Variants in ARHGEF3 observed in about 807,000 individuals in gnomAD.
The protein encoded by ARHGEF3 is Rho guanine nucleotide exchange factor 3.
In ARHGEF3, 28 loss-of-function variants were observed where a neutral mutation model predicts 63.2. The ratio of observed to expected loss-of-function variants is 0.44; its 90% CI spans 0.33 to 0.61. The LOEUF (loss-of-function observed/expected upper bound fraction) is 0.61, where lower values mean the gene tolerates loss of function less well. ARHGEF3 is among the 20% of genes least tolerant of loss of function. ARHGEF3 has a pLI of 0.03. For missense variants in ARHGEF3, 533 were observed against 659.3 expected, an observed-to-expected ratio of 0.81 and a Z score of 2.10; for synonymous variants, 266 against 254.2, an observed-to-expected ratio of 1.05 and a Z score of -0.44.
At chr3:57,078,463 A>C (rs1016552539) in intron 1 of ARHGEF3, 3 of 152,248 alleles carry the variant, frequency 2.0e-5, no homozygotes, top group Non-Finnish European at 4.4e-5. Context: ...CTGATAGTGC[A>C]AGAGCAGCTC....
At chr3:56,950,403 G>A (rs1166392507) in intron 3 of ARHGEF3, among the ~76,000 whole-genome samples, 2 of 151,748 alleles carry the variant, frequency 1.3e-5, no homozygotes, top group Non-Finnish European at 2.9e-5. Context: ...CTAATATCCA[G>A]AATCTACAAT....
rs548339173 is a variant in ARHGEF3 at position 56,952,643 on chromosome 3, G to A, written c.129+6180C>T. ...GATTTTTCTGAGAAGTAATATATGC[G>A]TAAAATGCTCAACACAGTGCCAGGT... On this transcript the variant is annotated intron_variant, in intron 3 of 12. Coordinates refer to the ARHGEF3 transcript ENST00000338458. 3.9e-5 allele frequency among the ~76,000 whole-genome samples: 6 copies of A among 152,288 alleles called. No individual in the cohort carries two copies. The South Asian group carries it at 6.2e-4, about 16-fold the overall frequency.
chr3:56,841,158 C>T (rs1039910543), intron 4 of ARHGEF3, among the ~76,000 whole-genome samples: 4 of 152,286 alleles, frequency 2.6e-5, no homozygotes, highest in South Asian at 4.1e-4. Context: ...ATTATTGAGA[C>T]CCCTAGATTT....
At chr3:56,748,926 C>G (rs768872844) in intron 6 of ARHGEF3, among the ~76,000 whole-genome samples, 1 of 151,374 alleles carries the variant, frequency 6.6e-6, no homozygotes, top group South Asian at 2.1e-4. Context: ...CCCCCCACCC[C>G]CCTTTTTTCC....
At chr3:57,014,345 C>T (rs1254340573) in intron 2 of ARHGEF3, among the ~76,000 whole-genome samples, 1 of 152,198 alleles carries the variant, frequency 6.6e-6, no homozygotes, top group Admixed American at 6.5e-5. Flanking sequence ...CACAATAGTG[C>T]ACAGCCTTAA....
upstream of ARHGEF3, chr3:56,801,969 GCGGGA>G (rs1473844905): frequency 6.6e-7 from 1 of 1,526,228 alleles, no homozygotes; most frequent in East Asian, 2.5e-5. Context: ...AGCCGAGTGG[GCGGGA>G]CCGTGCCAGC....
intron 1 of ARHGEF3, among the ~76,000 whole-genome samples, chr3:57,043,003 T>C (rs1287175008): frequency 6.9e-6 from 1 of 145,244 alleles, no homozygotes; most frequent in East Asian, 2.2e-4. Flanking sequence ...AGCCCATAAA[T>C]ATATTTTTTA....
intron 4 of ARHGEF3, among the ~76,000 whole-genome samples, chr3:56,872,523 T>TC (rs2040461230): frequency 6.6e-6 from 1 of 151,548 alleles, no homozygotes; most frequent in Admixed American, 6.6e-5. Context: ...TTTTTTTTTT[T>TC]TTTTTGAGAT....
At chr3:56,789,375 C>A (rs2036972213) in intron 1 of ARHGEF3, among the ~76,000 whole-genome samples, 1 of 152,206 alleles carries the variant, frequency 6.6e-6, no homozygotes, top group Non-Finnish European at 1.5e-5. Flanking sequence ...TTTTAGCTGG[C>A]ACTTTGGCAT....
At chr3:56,852,285 C>T (rs1476761090) in intron 4 of ARHGEF3, among the ~76,000 whole-genome samples, 1 of 152,134 alleles carries the variant, frequency 6.6e-6, no homozygotes, top group East Asian at 1.9e-4. Flanking sequence ...CCTGCATGTT[C>T]GAACGTATTT....
At chr3:56,735,262 C>A (rs1361082512) in intron 8 of ARHGEF3, among the ~76,000 whole-genome samples, 2 of 152,276 alleles carry the variant, frequency 1.3e-5, no homozygotes, top group African/African-American at 2.4e-5. Context: ...CCAGCCTGGG[C>A]AACAGAGTGA....
At chr3:56,799,924 A>C (rs2037558600) in intron 1 of ARHGEF3, among the ~76,000 whole-genome samples, 1 of 152,222 alleles carries the variant, frequency 6.6e-6, no homozygotes, top group Non-Finnish European at 1.5e-5. Flanking sequence ...TTCCAAAACT[A>C]TTCCAACCCC....
chr3:56,959,517 G>C (rs1222310689), intron 2 of ARHGEF3, among the ~76,000 whole-genome samples: 2 of 152,164 alleles, frequency 1.3e-5, no homozygotes, highest in Non-Finnish European at 2.9e-5. Flanking sequence ...AAATTTTGTA[G>C]CTGCCAATAT....
intron 1 of ARHGEF3, among the ~76,000 whole-genome samples, chr3:57,063,437 C>T (rs1560171860): frequency 2.0e-5 from 3 of 152,098 alleles, no homozygotes; most frequent in African/African-American, 4.8e-5. Context: ...GCTTGGAGGC[C>T]GCAGTCATTC....
intron 3 of ARHGEF3, among the ~76,000 whole-genome samples, chr3:56,888,075 G>T (rs1444652680): frequency 6.7e-6 from 1 of 149,612 alleles, no homozygotes; most frequent in African/African-American, 2.5e-5. Context: ...GCCCATTCAA[G>T]CTAAGATTCT....
chr3:56,907,919 T>C (rs1326128982), intron 3 of ARHGEF3, among the ~76,000 whole-genome samples: 2 of 152,166 alleles, frequency 1.3e-5, no homozygotes, highest in South Asian at 2.1e-4. Flanking sequence ...TAATGGGTAC[T>C]GGGCTTAATC....
At position 57,054,518 on chromosome 3, in the gene ARHGEF3, G is replaced by A. The variant is rs183176644; in HGVS notation, c.-27-19342C>T. ...TCGGGCATGATGGTGCATGCCTGTG[G>A]TACCAGCGACTCGGGAGGCTGAGGT... On this transcript the variant is annotated intron_variant, in intron 1 of 12. Coordinates refer to the ARHGEF3 transcript ENST00000338458. Among the ~76,000 whole-genome samples, 39 of 151,582 alleles carry A rather than the reference G, an allele frequency of 2.6e-4. 1 individual carries two copies. The highest frequency in any genetic ancestry group is 6.8e-3 in the Middle Eastern group (2 of 294).
chr3:56,973,396 T>C (rs1185496742), intron 2 of ARHGEF3, among the ~76,000 whole-genome samples: 1 of 152,158 alleles, frequency 6.6e-6, no homozygotes, highest in Non-Finnish European at 1.5e-5. Flanking sequence ...CAGTAAAGGA[T>C]GCTGCTCTAA....
intron 2 of ARHGEF3, among the ~76,000 whole-genome samples, chr3:56,983,899 G>A (rs1371580226): frequency 2.2e-5 from 3 of 137,774 alleles, no homozygotes; most frequent in Admixed American, 7.9e-5. Context: ...TTGTGCCACC[G>A]CACTCCAGCC....
Sources: allele counts gnomAD v4.1 joint callset (sites outside exome capture counted in the v4.1 genomes callset), GRCh38; gene constraint gnomAD v4.1.1; transcripts MANE v1.5; gene names NCBI Gene and HGNC (gene_info 2026-07-23, HGNC 2026-07-21).